The following SCHIP1 variants were observed in gnomAD, a reference collection of about 807,000 sequenced individuals.
SCHIP1 encodes schwannomin-interacting protein 1.
Under a neutral mutation model 29.7 loss-of-function variants are expected in SCHIP1, and 8 were observed. The observed-to-expected ratio is 0.27, with a 90% CI of 0.16 to 0.49. SCHIP1 has a LOEUF of 0.49. Among genes scored for constraint, SCHIP1 ranks in the 20% least tolerant of loss-of-function variants. The pLI, the probability that SCHIP1 is intolerant of heterozygous loss-of-function variation, is 0.99. For synonymous variants in SCHIP1, 76 were observed against 94.9 expected, an observed-to-expected ratio of 0.80 and a Z score of 1.16; for missense variants, 193 against 294.6, an observed-to-expected ratio of 0.66 and a Z score of 2.52.
chr3:159,617,717 C>G, the SCHIP1 span, among the ~76,000 whole-genome samples: 6 of 152,174 alleles, frequency 3.9e-5, no homozygotes, highest in Non-Finnish European at 7.3e-5. Flanking sequence ...TTACTACCCC[C>G]CCTAGGAAGA....
At chr3:159,889,681 C>T (rs1353709821) in intron 5 of SCHIP1, among the ~76,000 whole-genome samples, 1 of 152,046 alleles carries the variant, frequency 6.6e-6, no homozygotes, top group Non-Finnish European at 1.5e-5. Context: ...GCATTCAAAC[C>T]AACTATAAAA....
chr3:159,528,914 A>T, the SCHIP1 span, among the ~76,000 whole-genome samples: 1 of 152,060 alleles, frequency 6.6e-6, no homozygotes, highest in East Asian at 1.9e-4. Flanking sequence ...CTGTTAAATA[A>T]TTTTTTTCTA....
the SCHIP1 span, among the ~76,000 whole-genome samples, chr3:159,698,767 T>G: frequency 1.3e-5 from 2 of 152,044 alleles, no homozygotes; most frequent in Admixed American, 1.3e-4. Flanking sequence ...GTCTCCCGAG[T>G]AGCTGGGATT....
chr3:159,646,233 C>T, the SCHIP1 span, among the ~76,000 whole-genome samples: 1 of 152,232 alleles, frequency 6.6e-6, no homozygotes, highest in East Asian at 1.9e-4. Flanking sequence ...GAATGCCCCT[C>T]AAGAGAAAAC....
the SCHIP1 span, among the ~76,000 whole-genome samples, chr3:159,705,320 A>G: frequency 8.5e-5 from 13 of 152,112 alleles, no homozygotes; most frequent in African/African-American, 3.1e-4. Context: ...GCTTCCTTCT[A>G]TGTGACCACA....
chr3:159,373,144 A>T, the SCHIP1 span, among the ~76,000 whole-genome samples: 2 of 151,978 alleles, frequency 1.3e-5, no homozygotes, highest in Non-Finnish European at 2.9e-5. Flanking sequence ...GAAAAAATTT[A>T]AAATATGCAA....
chr3:159,527,879 C>T, the SCHIP1 span, among the ~76,000 whole-genome samples: 3 of 152,054 alleles, frequency 2.0e-5, no homozygotes, highest in Non-Finnish European at 4.4e-5. Context: ...TGTTGCAAAT[C>T]CTCATTTAAA....
At chr3:159,796,392 G>A in the SCHIP1 span, among the ~76,000 whole-genome samples, 1 of 152,272 alleles carries the variant, frequency 6.6e-6, no homozygotes, top group East Asian at 1.9e-4. Flanking sequence ...TGGTTGTTGG[G>A]CTGGCACAAA....
At chr3:159,306,537 C>A in the SCHIP1 span, 1,155 of 698,520 alleles carry the variant, frequency 1.7e-3, 17 homozygotes, top group African/African-American at 0.021. Flanking sequence ...GTCATGCCAT[C>A]ATGTGTGGGA....
chr3:159,551,578 G>A, the SCHIP1 span, among the ~76,000 whole-genome samples: 1 of 152,058 alleles, frequency 6.6e-6, no homozygotes, highest in Non-Finnish European at 1.5e-5. Flanking sequence ...ATAATGAACT[G>A]TATAATACTT....
the SCHIP1 span, among the ~76,000 whole-genome samples, chr3:159,658,051 AC>A: frequency 6.6e-6 from 1 of 152,216 alleles, no homozygotes; most frequent in South Asian, 2.1e-4. Flanking sequence ...TCTGTTAGGT[AC>A]TAGAAAGAGC....
At chr3:159,793,375 G>T in the SCHIP1 span, among the ~76,000 whole-genome samples, 1 of 152,154 alleles carries the variant, frequency 6.6e-6, no homozygotes, top group African/African-American at 2.4e-5. Context: ...TATTGTGTCT[G>T]TTGGCCATTT....
the SCHIP1 span, among the ~76,000 whole-genome samples, chr3:159,533,333 G>C: frequency 7.8e-3 from 1,182 of 152,222 alleles, 19 homozygotes; most frequent in African/African-American, 0.027. Context: ...GATGTAGCCA[G>C]AACACATAGG....
chr3:159,473,148 G>A, the SCHIP1 span, among the ~76,000 whole-genome samples: 2 of 152,072 alleles, frequency 1.3e-5, no homozygotes, highest in African/African-American at 2.4e-5. Flanking sequence ...ATAGCTATAG[G>A]CTAAATTACT....
the SCHIP1 span, among the ~76,000 whole-genome samples, chr3:159,832,278 C>T: frequency 1.3e-5 from 2 of 152,146 alleles, no homozygotes; most frequent in Non-Finnish European, 2.9e-5. Flanking sequence ...TAACTTTACT[C>T]ACCATATCTT....
chr3:159,744,703 C>T, the SCHIP1 span, among the ~76,000 whole-genome samples: 2 of 152,190 alleles, frequency 1.3e-5, no homozygotes, highest in South Asian at 2.1e-4. Flanking sequence ...TGGGGCCAGG[C>T]GTGTTGGCTC....
chr3:159,463,881 G>C, the SCHIP1 span, among the ~76,000 whole-genome samples: 2 of 151,922 alleles, frequency 1.3e-5, no homozygotes, highest in Non-Finnish European at 2.9e-5. Flanking sequence ...TTCCTTTTCT[G>C]TACATATTGA....
intron 2 of SCHIP1, among the ~76,000 whole-genome samples, chr3:159,871,344 C>T (rs866635349): frequency 1.9e-5 from 2 of 106,780 alleles, no homozygotes; most frequent in South Asian, 3.5e-4. Flanking sequence ...TATCTTCTTA[C>T]CCTGATTTGT....
At chr3:159,347,016 C>G in the SCHIP1 span, among the ~76,000 whole-genome samples, 1 of 84,746 alleles carries the variant, frequency 1.2e-5, no homozygotes, top group African/African-American at 4.5e-5. Flanking sequence ...CACTGTGCCT[C>G]CCTTATTTTT....
Sources: allele counts gnomAD v4.1 joint callset (sites outside exome capture counted in the v4.1 genomes callset), GRCh38; gene constraint gnomAD v4.1.1; transcripts MANE v1.5; gene names NCBI Gene and HGNC (gene_info 2026-07-23, HGNC 2026-07-21).